Variants in DPYD observed in about 807,000 individuals in gnomAD.
The protein encoded by DPYD is dihydropyrimidine dehydrogenase [NADP(+)].
DPYD carries 109 observed loss-of-function variants against 116.2 expected under a neutral mutation model. The observed-to-expected ratio is 0.94, with a 90% confidence interval of 0.80 to 1.10. The LOEUF is 1.10. DPYD is among the 50% of genes least tolerant of loss of function. The pLI, the probability that DPYD is intolerant of heterozygous loss-of-function variation, is 0.00. For synonymous variants in DPYD, 440 were observed against 432.0 expected (o/e 1.02, Z -0.23); for missense variants, 1,302 against 1,254.5 (o/e 1.04, Z -0.57).
intron 1 of DPYD, among the ~76,000 whole-genome samples, chr1:97,907,547 C>T (rs1295482589): frequency 6.6e-6 from 1 of 152,066 alleles, no homozygotes; most frequent in East Asian, 1.9e-4. Flanking sequence ...ATTTAGGATT[C>T]TTCATATTTA....
At chr1:97,396,811 C>CTACA (rs1203297376) in intron 14 of DPYD, among the ~76,000 whole-genome samples, 3 of 152,002 alleles carry the variant, frequency 2.0e-5, no homozygotes, top group Non-Finnish European at 4.4e-5. Context: ...TCTGACTGTA[C>CTACA]AGCTCCTACC....
At chr1:97,242,671 C>T (rs1344988161) in intron 18 of DPYD, among the ~76,000 whole-genome samples, 1 of 151,336 alleles carries the variant, frequency 6.6e-6, no homozygotes, top group Non-Finnish European at 1.5e-5. Flanking sequence ...TATAATGTTC[C>T]TAAAATTCAC....
chr1:97,186,044 T>G (rs1038977309), intron 20 of DPYD, among the ~76,000 whole-genome samples: 3 of 152,234 alleles, frequency 2.0e-5, no homozygotes, highest in African/African-American at 7.2e-5. Flanking sequence ...TAGGAAATTA[T>G]AGTATCCTCT....
At chr1:97,523,162 T>C (rs954263019) in intron 12 of DPYD, among the ~76,000 whole-genome samples, 22 of 151,874 alleles carry the variant, frequency 1.4e-4, no homozygotes, top group African/African-American at 4.6e-4. Flanking sequence ...GAAGCTGAAG[T>C]CCTAAAGAAC....
At chr1:97,301,724 G>GA (rs1222836850) in intron 18 of DPYD, among the ~76,000 whole-genome samples, 2 of 143,718 alleles carry the variant, frequency 1.4e-5, no homozygotes, top group Non-Finnish European at 3.2e-5. Flanking sequence ...TCAGCTGCAA[G>GA]AAAGACATCT....
intron 12 of DPYD, among the ~76,000 whole-genome samples, chr1:97,516,354 T>G (rs554292671): frequency 6.6e-6 from 1 of 152,114 alleles, no homozygotes; most frequent in South Asian, 2.1e-4. Flanking sequence ...GTAATTTCAC[T>G]ACTGTTTAGG....
At chr1:97,538,954 A>T (rs191654150) in intron 12 of DPYD, among the ~76,000 whole-genome samples, 122 of 152,308 alleles carry the variant, frequency 8.0e-4, no homozygotes, top group African/African-American at 2.7e-3. Flanking sequence ...AAACACCTTA[A>T]CGTGGACACT....
rs1570445084 is a variant in DPYD, at chr1:97,292,004, T to C, written c.2299+13255A>G. ...TTTTTTTACACAAAATTATAATGCG[T>C]TATACCCCACATTAGGTTTTATTTT... On this transcript the variant is annotated intron_variant, in intron 18 of 22. Transcript: ENST00000370192. Among the ~76,000 whole-genome samples, 3 of 152,164 alleles carry C rather than the reference T, an allele frequency of 2.0e-5. No homozygotes were observed. In the South Asian group the frequency reaches 6.2e-4, roughly 32 times the overall value.
chr1:97,733,156 T>G (rs1464822060), intron 4 of DPYD, among the ~76,000 whole-genome samples: 2 of 152,066 alleles, frequency 1.3e-5, no homozygotes, highest in Non-Finnish European at 2.9e-5. Context: ...ATTTTAGCAA[T>G]CTGGGAGGAA....
At chr1:97,485,101 T>A (rs1678545616) in intron 13 of DPYD, among the ~76,000 whole-genome samples, 1 of 152,238 alleles carries the variant, frequency 6.6e-6, no homozygotes, top group Non-Finnish European at 1.5e-5. Context: ...CCTCAATGTA[T>A]ACATTAGGTC....
chr1:97,733,248 GCTTTA>G (rs1045057732), intron 4 of DPYD, among the ~76,000 whole-genome samples: 7 of 151,888 alleles, frequency 4.6e-5, no homozygotes, highest in African/African-American at 1.2e-4. Flanking sequence ...AAACCTCTCA[GCTTTA>G]CTTTATTTAA....
chr1:97,233,714 G>GA (rs1661726637), intron 19 of DPYD, among the ~76,000 whole-genome samples: 1 of 151,814 alleles, frequency 6.6e-6, no homozygotes. Flanking sequence ...GATATGTGAG[G>GA]AAAAAAATCG....
intron 16 of DPYD, among the ~76,000 whole-genome samples, chr1:97,361,308 AT>A (rs1352395018): frequency 6.6e-6 from 1 of 152,210 alleles, no homozygotes; most frequent in Non-Finnish European, 1.5e-5. Flanking sequence ...TGAGGCAATA[AT>A]TAATAGCCTA....
chr1:97,341,408 C>T (rs968062082), intron 16 of DPYD, among the ~76,000 whole-genome samples: 2 of 152,142 alleles, frequency 1.3e-5, no homozygotes, highest in African/African-American at 4.8e-5. Flanking sequence ...AAAATTTTTT[C>T]TCATGAATCC....
chr1:97,306,285 C>T lies in DPYD; in HGVS notation c.2071G>A (p.Val691Met), dbSNP rs202212118. The T allele has an allele frequency of 1.8e-5, 29 of 1,612,282 alleles. No individual in the cohort carries two copies. The highest frequency in any genetic ancestry group is 2.5e-5 in the Non-Finnish European group (29 of 1,178,768). ...GLACGQDPEL[V>M]RNICRWVRQA... ...CTAACCCAGCGGCAGATGTTCCGCA[C>T]CAGCTCTGGATCCTGTTCAAATAGG... is the stretch of plus-strand genomic sequence containing the variant. Residue 691 changes from valine (V) to methionine (M), a missense_variant, in exon 17 of 23, where the codon GTG becomes ATG. Physicochemically the swap from Val to Met is conservative, Grantham distance 21 (BLOSUM62 1). Coordinates refer to ENST00000370192, the MANE Select transcript of DPYD (RefSeq NM_000110.4).
At chr1:97,204,079 G>A (rs548062820) in intron 19 of DPYD, among the ~76,000 whole-genome samples, 11 of 152,114 alleles carry the variant, frequency 7.2e-5, no homozygotes, top group South Asian at 2.1e-4. Context: ...AGAGTTAAGC[G>A]TTATAGGAAA....
At chr1:97,902,710 CA>C (rs1464946182) in intron 1 of DPYD, among the ~76,000 whole-genome samples, 2 of 151,762 alleles carry the variant, frequency 1.3e-5, no homozygotes, top group African/African-American at 4.8e-5. Flanking sequence ...GTAATTTCAT[CA>C]AATTAGTAAC....
At chr1:97,692,633 AAGTGCC>A (rs1661072785) in intron 6 of DPYD, among the ~76,000 whole-genome samples, 1 of 152,224 alleles carries the variant, frequency 6.6e-6, no homozygotes, top group South Asian at 2.1e-4. Flanking sequence ...AGTGTTTACG[AAGTGCC>A]AGCTAAGTGT....
intron 20 of DPYD, among the ~76,000 whole-genome samples, chr1:97,106,388 C>T (rs1435878858): frequency 6.6e-6 from 1 of 152,048 alleles, no homozygotes; most frequent in Non-Finnish European, 1.5e-5. Context: ...GATCAGTAGA[C>T]CAAGTAAAGA....
Sources: allele counts gnomAD v4.1 joint callset (sites outside exome capture counted in the v4.1 genomes callset), GRCh38; gene constraint gnomAD v4.1.1; transcripts MANE v1.5; gene names NCBI Gene and HGNC (gene_info 2026-07-23, HGNC 2026-07-21).